Variants in ARHGEF11 observed in about 807,000 individuals in gnomAD.
The protein encoded by ARHGEF11 is Rho guanine exchange factor (GEF) 11.
In ARHGEF11, 55 loss-of-function variants were observed where a neutral mutation model predicts 193.7. The ratio of observed to expected loss-of-function variants is 0.28; its 90% CI spans 0.23 to 0.36. ARHGEF11 has a LOEUF of 0.36. ARHGEF11 is among the 10% of genes least tolerant of loss of function. The pLI is 1.00. For missense variants in ARHGEF11, 1,723 were observed against 2,005.6 expected (o/e 0.86, Z 2.69); for synonymous variants, 693 against 768.0 (o/e 0.90, Z 1.62).
rs1008195107 is a variant in ARHGEF11 at position 156,942,426 on chromosome 1, G to A, written c.3326+264C>T. Among the ~76,000 whole-genome samples, 12 of 152,336 alleles carry A rather than the reference G, an allele frequency of 7.9e-5. No homozygotes were observed. The South Asian group carries it at 2.1e-3, about 26-fold the overall frequency. On this transcript the variant is annotated intron_variant, in intron 33 of 40. Coordinates refer to ENST00000368194, the MANE Select transcript of ARHGEF11 (RefSeq NM_198236.3). Reference sequence around the variant, plus strand: ...TCTAATCTGCCTAATGGTGAAGGGAGTAGGGCAGGAAGGAAAGAAGCAGCA... The same window carrying A: ...TCTAATCTGCCTAATGGTGAAGGGAATAGGGCAGGAAGGAAAGAAGCAGCA...
chr1:157,016,610 T>C (rs1399559143), intron 1 of ARHGEF11, among the ~76,000 whole-genome samples: 1 of 152,230 alleles, frequency 6.6e-6, no homozygotes, highest in African/African-American at 2.4e-5. Flanking sequence ...ATTGTGACTG[T>C]ATTTTTAAGC....
chr1:156,937,586 C>T lies in ARHGEF11; in HGVS notation c.4193-90G>A, dbSNP rs957318592. 6 of 1,372,460 alleles carry T rather than the reference C, an allele frequency of 4.4e-6. No individual in the cohort carries two copies. In the African/African-American group the frequency reaches 7.4e-5, roughly 17 times the overall value. 85.0% of individuals were successfully genotyped at this position (1,372,460 alleles called of 1,614,324 possible). A position where few individuals can be genotyped will look rare whatever the true frequency, so the allele number is the denominator to read the frequency against. On this transcript the variant is annotated intron_variant, in intron 38 of 40. Transcript: ENST00000368194. ...CCTGTGGGATTCCCCAGCCACCTGA[C>T]AGAGCAGGCCAGGCAGTCCTCTCCA...
intron 26 of ARHGEF11, 86 bp from the exon 27 acceptor site, chr1:156,947,101 C>G (rs1372340365): frequency 1.3e-6 from 2 of 1,550,322 alleles, no homozygotes; most frequent in African/African-American, 2.7e-5. Context: ...GAATCTCTGA[C>G]AGCAGTGCCA....
chr1:156,974,826 T>C (rs1209830965), intron 7 of ARHGEF11, among the ~76,000 whole-genome samples: 1 of 152,244 alleles, frequency 6.6e-6, no homozygotes, highest in African/African-American at 2.4e-5. Flanking sequence ...TTCCATGTTG[T>C]AGCATTTATT....
intron 1 of ARHGEF11, among the ~76,000 whole-genome samples, chr1:157,031,416 T>TTTC (rs1671292920): frequency 6.6e-6 from 1 of 152,162 alleles, no homozygotes; most frequent in African/African-American, 2.4e-5. Context: ...AGAACTAGGA[T>TTTC]TTCTTCTGGG....
At chr1:156,958,893 G>T (rs1660354564) in intron 16 of ARHGEF11, 29 bp from the exon 17 acceptor site, 2 of 1,613,952 alleles carry the variant, frequency 1.2e-6, no homozygotes, top group Admixed American at 3.3e-5. Context: ...GGGAAAGAAA[G>T]AAATATACAC....
In ARHGEF11 at chr1:156,959,069, G is replaced by C; in HGVS notation, c.1356C>G (p.Ile452Met). Reference protein sequence around the residue: ...CEAQEAAMPEIQEQIHDYRTK... With the variant: ...CEAQEAAMPEMQEQIHDYRTK... Reference sequence around the variant, plus strand: ...ACCTGTAGTCGTGGATCTGCTCTTGGATCTCAGGCATGGCTGCCTCTTGAG... The same window carrying C: ...ACCTGTAGTCGTGGATCTGCTCTTGCATCTCAGGCATGGCTGCCTCTTGAG... Residue 452 changes from isoleucine (I) to methionine (M), a missense_variant, in exon 16 of 41, where the codon ATC becomes ATG. Ile to Met is a conservative substitution (Grantham distance 10). Transcript: ENST00000368194. 3 of 1,614,212 alleles carry C rather than the reference G, an allele frequency of 1.9e-6. No individual in the cohort carries two copies. The highest frequency in any genetic ancestry group is 1.7e-6 in the Non-Finnish European group (2 of 1,180,026).
At chr1:157,020,975 G>A (rs1669901508) in intron 1 of ARHGEF11, among the ~76,000 whole-genome samples, 2 of 152,206 alleles carry the variant, frequency 1.3e-5, no homozygotes, top group Non-Finnish European at 2.9e-5. Context: ...CTTCCAAGCT[G>A]CCCCAAAGAG....
intron 11 of ARHGEF11, among the ~76,000 whole-genome samples, chr1:156,965,544 C>T (rs910937183): frequency 1.3e-5 from 2 of 152,214 alleles, no homozygotes; most frequent in African/African-American, 4.8e-5. Context: ...GCAGCTGGTA[C>T]ACTAGGCATT....
At chr1:157,013,822 T>G (rs1668863067) in intron 1 of ARHGEF11, among the ~76,000 whole-genome samples, 1 of 152,204 alleles carries the variant, frequency 6.6e-6, no homozygotes, top group South Asian at 2.1e-4. Context: ...GGTATTTTCC[T>G]CCCAGGTATC....
chr1:157,031,381 T>C (rs1377902941), intron 1 of ARHGEF11, among the ~76,000 whole-genome samples: 2 of 152,188 alleles, frequency 1.3e-5, no homozygotes, highest in African/African-American at 4.8e-5. Flanking sequence ...GTGTAGCTAT[T>C]AGCCCTGAAC....
chr1:156,975,141 A>C (rs1185546437), intron 7 of ARHGEF11, among the ~76,000 whole-genome samples: 1 of 152,246 alleles, frequency 6.6e-6, no homozygotes, highest in Non-Finnish European at 1.5e-5. Context: ...CAATGGCGGA[A>C]TAGATTAGCA....
At chr1:156,978,403 A>C in intron 5 of ARHGEF11, 21 bp from the exon 6 acceptor site, 1 of 1,568,896 alleles carries the variant, frequency 6.4e-7, no homozygotes. Flanking sequence ...ACAGAGAGAG[A>C]CTTGTTCCAG....
chr1:157,010,057 G>C (rs1409469464), intron 1 of ARHGEF11, among the ~76,000 whole-genome samples: 1 of 152,132 alleles, frequency 6.6e-6, no homozygotes, highest in Non-Finnish European at 1.5e-5. Flanking sequence ...ATCTGGGCTG[G>C]GTGTGATGGC....
Position 156,975,340 on chromosome 1 carries a change from T to G in ARHGEF11, c.582+1643A>C, listed in dbSNP as rs190822449. Among the ~76,000 whole-genome samples the G allele has an allele frequency of 3.9e-4, 59 of 152,336 alleles. No homozygotes were observed. The Middle Eastern group carries it at 0.017, about 44-fold the overall frequency. On this transcript the variant is annotated intron_variant, in intron 7 of 40. Coordinates refer to ENST00000368194, the MANE Select transcript of ARHGEF11 (RefSeq NM_198236.3). ...CATCTTCCCATGCTTATTGGCCATT[T>G]GTATGTCTGTCTTCTTTAGAGACTG...
intron 1 of ARHGEF11, among the ~76,000 whole-genome samples, chr1:157,005,618 C>T (rs1263306398): frequency 6.6e-6 from 1 of 152,170 alleles, no homozygotes; most frequent in African/African-American, 2.4e-5. Context: ...CGCATTAATC[C>T]CATGAAGCTT....
intron 1 of ARHGEF11, among the ~76,000 whole-genome samples, chr1:157,043,043 T>C (rs933545035): frequency 1.3e-5 from 2 of 152,146 alleles, no homozygotes; most frequent in African/African-American, 4.8e-5. Flanking sequence ...TCAGTTCCCA[T>C]CTAGGGACTG....
intron 1 of ARHGEF11, among the ~76,000 whole-genome samples, chr1:157,030,651 G>A (rs1671186540): frequency 6.6e-6 from 1 of 151,648 alleles, no homozygotes; most frequent in Admixed American, 6.6e-5. Flanking sequence ...AGGAAAAGAG[G>A]AACAGCACTA....
Position 156,946,782 on chromosome 1 carries a change from A to G in ARHGEF11, c.2574T>C (p.Asp858=). The change falls in exon 28 of 41, where the codon GAT becomes GAC. Residue 858 remains aspartate, a synonymous_variant. Transcript: ENST00000368194. ...EISDLMLARF[D]GPAREELQQV... ...GCTGGAGTTCCTCTCGGGCAGGGCC[A>G]TCAAACTGAAGAGGCAGAATGGACA... is the stretch of plus-strand genomic sequence containing the variant. 6.2e-7 allele frequency: 1 copy of G among 1,614,210 alleles called. No individual in the cohort carries two copies. The highest frequency in any genetic ancestry group is 8.5e-7 in the Non-Finnish European group (1 of 1,180,044).
Sources: gnomAD v4.1 joint callset for allele counts (sites outside exome capture counted in the v4.1 genomes callset) on GRCh38, gnomAD v4.1.1 for gene constraint, MANE v1.5 for transcripts, NCBI Gene and HGNC (gene_info 2026-07-23, HGNC 2026-07-21) for gene names.